Variants in SOAT1 observed in about 807,000 individuals in gnomAD.
SOAT1 encodes the protein acyl-coenzyme A:cholesterol acyltransferase 1.
SOAT1 carries 55 observed loss-of-function variants against 69.5 expected under a neutral mutation model. The ratio of observed to expected loss-of-function variants is 0.79; its 90% CI spans 0.64 to 0.99. SOAT1 has a LOEUF of 0.99. SOAT1 is among the 50% of genes least tolerant of loss of function. SOAT1 has a pLI of 0.00. For synonymous variants in SOAT1, 231 were observed against 224.7 expected (o/e 1.03, Z -0.25); for missense variants, 580 against 669.3 (o/e 0.87, Z 1.47).
chr1:179,316,620 C>T (rs10913717), intron 2 of SOAT1, among the ~76,000 whole-genome samples: 33,121 of 152,018 alleles, frequency 0.22, 3,739 homozygotes, highest in African/African-American at 0.23. Context: ...CTCAAACTGC[C>T]GACCTCAGGT....
intron 3 of SOAT1, among the ~76,000 whole-genome samples, chr1:179,333,115 A>T (rs771119429): frequency 6.6e-6 from 1 of 152,200 alleles, no homozygotes; most frequent in Non-Finnish European, 1.5e-5. Context: ...GATTTGCTTA[A>T]ATTACAATTT....
rs542647494 is a variant in SOAT1 at position 179,319,267 on chromosome 1, CT to C, written c.119-4152del. Among the ~76,000 whole-genome samples the C allele has an allele frequency of 5.0e-3, 628 of 125,130 alleles. 4 individuals are homozygous for C. Among genetic ancestry groups the C allele is most frequent in the African/African-American group, 9.5e-3 (317 of 33,194 alleles). The allele number at this position is 125,130 out of a possible 152,430, so 82.1% of individuals were successfully genotyped here. On this transcript the variant is annotated intron_variant, in intron 2 of 15. Coordinates refer to ENST00000367619, the MANE Select transcript of SOAT1 (RefSeq NM_003101.6). ...AGAAATATCTGTTCAGTTACTTTGC[CT>C]TTTTTTTTTTTTTTTTTAAAAGACA...
intron 2 of SOAT1, among the ~76,000 whole-genome samples, chr1:179,309,569 A>C (rs904774040): frequency 6.6e-6 from 1 of 152,234 alleles, no homozygotes; most frequent in Non-Finnish European, 1.5e-5. Context: ...AAAACAGTAT[A>C]CATATAGCAT....
At chr1:179,316,692 A>G (rs1665408169) in intron 2 of SOAT1, among the ~76,000 whole-genome samples, 1 of 152,160 alleles carries the variant, frequency 6.6e-6, no homozygotes, top group African/African-American at 2.4e-5. Flanking sequence ...CACGCCTGGC[A>G]CTAAGTAGAT....
chr1:179,334,696 A>G lies in SOAT1; in HGVS notation c.178-810A>G, dbSNP rs116554053. Among the ~76,000 whole-genome samples, 1,032 of 152,312 alleles carry G rather than the reference A, an allele frequency of 6.8e-3. 5 individuals carry two copies. Among genetic ancestry groups the G allele is most frequent in the Non-Finnish European group, 9.7e-3 (658 of 68,028 alleles). On this transcript the variant is annotated intron_variant, in intron 3 of 15. Coordinates refer to ENST00000367619, the MANE Select transcript of SOAT1 (RefSeq NM_003101.6). ...GTCTGAGGTGTCAGAGGTTGGGGTC[A>G]TAGATGAGGGAGATTGTGAAAGAAA...
In SOAT1 at chr1:179,355,527, T is replaced by A. The variant is rs548959929; in HGVS notation, c.*1886T>A. 2.6e-5 allele frequency: 4 copies of A among 153,520 alleles called. No individual in the cohort carries two copies. The highest frequency in any genetic ancestry group is 5.8e-5 in the Non-Finnish European group (4 of 69,230). 9.5% of individuals were successfully genotyped at this position (153,520 alleles called of 1,614,324 possible). A position where few individuals can be genotyped will look rare whatever the true frequency, so the allele number is the denominator to read the frequency against. ...TGATCAAGGCTATTTTTCAAAAAGCTCTCTGCTTCCTGTTTGTTTGTTTGT... is the reference window on the plus strand; with the variant it reads ...TGATCAAGGCTATTTTTCAAAAAGCACTCTGCTTCCTGTTTGTTTGTTTGT... On this transcript the variant is annotated 3_prime_UTR_variant, in exon 16 of 16. Transcript: ENST00000367619.
rs114891896 is a variant in SOAT1 at position 179,312,801 on chromosome 1, C to G, written c.118+9999C>G. 5.9e-3 allele frequency among the ~76,000 whole-genome samples: 900 copies of G among 152,352 alleles called. 9 individuals carry two copies. Among genetic ancestry groups the G allele is most frequent in the African/African-American group, 0.02 (845 of 41,584 alleles). The stretch of plus-strand genomic sequence containing the variant: ...CCACTAACCCTTTACCCGCTTTGCC[C>G]TTTCTGGCCTCAGGATGGTAACAGC... On this transcript the variant is annotated intron_variant, in intron 2 of 15. Coordinates refer to ENST00000367619, the MANE Select transcript of SOAT1 (RefSeq NM_003101.6).
At position 179,323,456 on chromosome 1, in the gene SOAT1, G is replaced by A; in HGVS notation, c.138G>A (p.Gln46=). The change falls in exon 3 of 16, where the codon CAG becomes CAA. Residue 46 remains glutamine, a synonymous_variant. Coordinates refer to ENST00000367619, the MANE Select transcript of SOAT1 (RefSeq NM_003101.6). ...CCGTAGGTCGAATTGACATAAAACA[G>A]TTGATAGCAAAGAAGATAAAGTTGA... ...TPSNGRIDIK[Q]LIAKKIKLTA... 1 of 1,613,866 alleles carries A rather than the reference G, an allele frequency of 6.2e-7. No individual in the cohort carries two copies. The highest frequency in any genetic ancestry group is 2.2e-5 in the East Asian group (1 of 44,850).
At chr1:179,311,003 G>C (rs1341076248) in intron 2 of SOAT1, among the ~76,000 whole-genome samples, 2 of 152,040 alleles carry the variant, frequency 1.3e-5, no homozygotes, top group Non-Finnish European at 2.9e-5. Flanking sequence ...TTCAGGCTCA[G>C]TTACTTATTG....
intron 3 of SOAT1, among the ~76,000 whole-genome samples, chr1:179,326,809 C>CTCGGG (rs1365681929): frequency 1.3e-5 from 2 of 152,034 alleles, no homozygotes; most frequent in Admixed American, 6.6e-5. Flanking sequence ...TCCACCCCAC[C>CTCGGG]TCGGCCTCCC....
chr1:179,323,045 CTTTTTT>C (rs36045111), intron 2 of SOAT1, among the ~76,000 whole-genome samples: 28 of 126,736 alleles, frequency 2.2e-4, no homozygotes, highest in African/African-American at 7.4e-4. Context: ...TCTTTTCTTT[CTTTTTT>C]TTTTTTTTTT....
Position 179,356,874 on chromosome 1 carries a change from G to A in SOAT1, c.*3233G>A, listed in dbSNP as rs967663301. 8.9e-6 allele frequency: 1 copy of A among 112,020 alleles called. No individual in the cohort carries two copies. Among genetic ancestry groups the A allele is most frequent in the Non-Finnish European group, 1.8e-5 (1 of 55,552 alleles). 6.9% of individuals were successfully genotyped at this position (112,020 alleles called of 1,614,324 possible). Reference sequence around the variant, plus strand: ...TATTTGTTTTTTTTTTTTTAGAGATGGGGGGGGTCTCCCTATGTTGCCCAG... The same window carrying A: ...TATTTGTTTTTTTTTTTTTAGAGATAGGGGGGGTCTCCCTATGTTGCCCAG... On this transcript the variant is annotated 3_prime_UTR_variant, in exon 16 of 16. Coordinates refer to ENST00000367619, the MANE Select transcript of SOAT1 (RefSeq NM_003101.6).
Position 179,341,058 on chromosome 1 carries a change from T to G in SOAT1, c.528T>G (p.Tyr176Ter). Residue 176 changes from tyrosine to a stop codon, truncating the protein, a stop_gained, in exon 7 of 16, where the codon TAT (tyrosine) becomes TAG (stop). Transcript: ENST00000367619. LOFTEE classifies it high-confidence loss of function. ...RLVLEFSLLS[Y>*]AFGKFPTVVW... is the part of the protein sequence containing the mutation. Reference sequence around the variant, plus strand: ...TGCTTGAGTTCAGCCTCCTGTCTTATGCTTTTGGCAAATTTCCTACCGTTG... The same window carrying G: ...TGCTTGAGTTCAGCCTCCTGTCTTAGGCTTTTGGCAAATTTCCTACCGTTG... 1 of 1,614,206 alleles carries G rather than the reference T, an allele frequency of 6.2e-7. No homozygotes were observed. The highest frequency in any genetic ancestry group is 1.3e-5 in the African/African-American group (1 of 75,054).
At chr1:179,327,033 T>G (rs542593520) in intron 3 of SOAT1, among the ~76,000 whole-genome samples, 1 of 152,326 alleles carries the variant, frequency 6.6e-6, no homozygotes, top group Non-Finnish European at 1.5e-5. Context: ...CATTTAGAAG[T>G]CCTCTTACAG....
At chr1:179,299,129 G>A (rs563937868) in intron 1 of SOAT1, among the ~76,000 whole-genome samples, 194 of 152,264 alleles carry the variant, frequency 1.3e-3, no homozygotes, top group African/African-American at 4.3e-3. Flanking sequence ...TAGTGGGACC[G>A]CAGAGAGGAT....
chr1:179,343,184 TTTTA>T (rs1419460584), intron 9 of SOAT1, among the ~76,000 whole-genome samples: 4 of 151,820 alleles, frequency 2.6e-5, no homozygotes, highest in Non-Finnish European at 4.4e-5. Context: ...ATTAATTAAT[TTTTA>T]TTTATTTTTA....
rs1377668811 is a variant in SOAT1 at position 179,335,577 on chromosome 1, G to A, written c.249G>A (p.Lys83=). The A allele has an allele frequency of 3.7e-6, 6 of 1,613,912 alleles. No homozygotes were observed. The South Asian group carries it at 5.5e-5, about 15-fold the overall frequency. ...FDDFVTNLIE[K]SASLDNGGCA... is the part of the protein sequence containing the mutation. ...ATTTTGTGACCAATCTCATTGAAAAGTCAGCATCATTAGATAATGGTGGGT... is the reference window on the plus strand; with the variant it reads ...ATTTTGTGACCAATCTCATTGAAAAATCAGCATCATTAGATAATGGTGGGT... Residue 83 remains lysine (K), a synonymous_variant, in exon 4 of 16, where the codon AAG becomes AAA. Coordinates refer to ENST00000367619, the MANE Select transcript of SOAT1 (RefSeq NM_003101.6).
At chr1:179,332,374 A>C (rs762899429) in intron 3 of SOAT1, among the ~76,000 whole-genome samples, 1 of 152,088 alleles carries the variant, frequency 6.6e-6, no homozygotes, top group Non-Finnish European at 1.5e-5. Flanking sequence ...TCCTTTAACT[A>C]TGTGTTCCAA....
At chr1:179,336,320 G>A (rs1324493091) in intron 4 of SOAT1, among the ~76,000 whole-genome samples, 1 of 150,928 alleles carries the variant, frequency 6.6e-6, no homozygotes, top group Non-Finnish European at 1.5e-5. Context: ...ACAATTAGCT[G>A]GACGTGGTCG....
Sources: gnomAD v4.1 joint callset for allele counts (sites outside exome capture counted in the v4.1 genomes callset) on GRCh38, gnomAD v4.1.1 for gene constraint, MANE v1.5 for transcripts, NCBI Gene and HGNC (gene_info 2026-07-23, HGNC 2026-07-21) for gene names.